Variants in RPIA observed in about 807,000 individuals in gnomAD.
RPIA encodes the protein ribose-5-phosphate isomerase.
A neutral mutation model predicts 37.8 loss-of-function variants in RPIA; 29 were observed. The ratio of observed to expected loss-of-function variants is 0.77; its 90% CI spans 0.57 to 1.05. The LOEUF is 1.05. RPIA is among the 50% of genes least tolerant of loss of function. The pLI, the probability that RPIA is intolerant of heterozygous loss-of-function variation, is 0.00. For missense variants in RPIA, 385 were observed against 413.6 expected, an observed-to-expected ratio of 0.93 and a Z score of 0.60; for synonymous variants, 167 against 157.0, an observed-to-expected ratio of 1.06 and a Z score of -0.48.
chr2:88,691,850 C>G lies in RPIA; in HGVS notation c.152C>G (p.Thr51Ser). Residue 51 changes from threonine to serine, a missense_variant, in exon 1 of 9, where the codon ACC (threonine) becomes AGC (serine). Coordinates refer to ENST00000283646, the MANE Select transcript of RPIA (RefSeq NM_144563.3). ...CTGCCGGGGCGTGCACAGTCTGGGACCCGTGGCGGTGCTGGCAACACAAGC... is the reference window on the plus strand; with the variant it reads ...CTGCCGGGGCGTGCACAGTCTGGGAGCCGTGGCGGTGCTGGCAACACAAGC... ...VRLPGRAQSG[T>S]RGGAGNTSTS... 1 of 1,596,690 alleles carries G rather than the reference C, an allele frequency of 6.3e-7. No homozygotes were observed. Among genetic ancestry groups the G allele is most frequent in the Non-Finnish European group, 8.5e-7 (1 of 1,173,034 alleles).
At chr2:88,697,767 C>A (rs1282597427) in intron 1 of RPIA, among the ~76,000 whole-genome samples, 4 of 152,206 alleles carry the variant, frequency 2.6e-5, no homozygotes, top group African/African-American at 9.7e-5. Flanking sequence ...TCCATTTTCT[C>A]TGAGGCAGGC....
chr2:88,743,559 T>G (rs1673406741), intron 8 of RPIA, among the ~76,000 whole-genome samples: 1 of 148,398 alleles, frequency 6.7e-6, no homozygotes, highest in East Asian at 2.0e-4. Context: ...ATAGAATGAT[T>G]TAGAGAGGAT....
At chr2:88,736,318 C>T (rs762741319) in intron 6 of RPIA, among the ~76,000 whole-genome samples, 5 of 152,202 alleles carry the variant, frequency 3.3e-5, no homozygotes, top group Non-Finnish European at 7.3e-5. Flanking sequence ...ACCCACAAGC[C>T]AGCAATATCA....
At chr2:88,713,596 G>A (rs997420438) in intron 3 of RPIA, among the ~76,000 whole-genome samples, 10 of 152,070 alleles carry the variant, frequency 6.6e-5, no homozygotes, top group African/African-American at 1.4e-4. Context: ...ATCTATTTTC[G>A]TCCAGTGTGC....
Position 88,691,740 on chromosome 2 carries a change from C to A in RPIA, c.42C>A (p.Val14=). 6.3e-7 allele frequency: 1 copy of A among 1,595,442 alleles called. No individual in the cohort carries two copies. Among genetic ancestry groups the A allele is most frequent in the South Asian group, 1.1e-5 (1 of 90,144 alleles). ...PGPFSTLYGR[V]LAPLPGRAGG... Reference sequence around the variant, plus strand: ...CCTTCAGCACCCTCTACGGGCGGGTCTTGGCCCCGCTGCCCGGGAGGGCCG... The same window carrying A: ...CCTTCAGCACCCTCTACGGGCGGGTATTGGCCCCGCTGCCCGGGAGGGCCG... The change falls in exon 1 of 9, where the codon GTC becomes GTA. Residue 14 remains valine (V), a synonymous_variant. Coordinates refer to ENST00000283646, the MANE Select transcript of RPIA (RefSeq NM_144563.3).
At position 88,747,410 on chromosome 2, in the gene RPIA, C is replaced by T. The variant is rs879466460; in HGVS notation, c.839-2571C>T. ...GCCCCTCCCTGCCTGCCTGCACCTT[C>T]GGCTGTGGGTTCTTCATTTGTATCT... On this transcript the variant is annotated intron_variant, in intron 8 of 8. Transcript: ENST00000283646. Among the ~76,000 whole-genome samples the T allele has an allele frequency of 5.9e-5, 9 of 152,194 alleles. No individual in the cohort carries two copies. In the East Asian group the frequency reaches 7.7e-4, roughly 13 times the overall value.
chr2:88,745,413 T>C (rs1409347002), intron 8 of RPIA, among the ~76,000 whole-genome samples: 1 of 152,224 alleles, frequency 6.6e-6, no homozygotes, highest in Non-Finnish European at 1.5e-5. Flanking sequence ...TTTAGGTGTA[T>C]TGTGAGTTTT....
At chr2:88,698,621 C>A in intron 2 of RPIA, 77 bp downstream of exon 2, 1 of 1,381,216 alleles carries the variant, frequency 7.2e-7, no homozygotes, top group Non-Finnish European at 1.0e-6. Context: ...GAGGAAGTGG[C>A]ACACAGGTTT....
chr2:88,736,172 C>T (rs1357115085), intron 6 of RPIA, among the ~76,000 whole-genome samples: 1 of 152,162 alleles, frequency 6.6e-6, no homozygotes, highest in Non-Finnish European at 1.5e-5. Flanking sequence ...TAGTCTTTGA[C>T]CAGGCTCTCA....
At chr2:88,735,419 G>C (rs1181863850) in intron 5 of RPIA, among the ~76,000 whole-genome samples, 1 of 152,158 alleles carries the variant, frequency 6.6e-6, no homozygotes, top group Non-Finnish European at 1.5e-5. Context: ...AGACACATTT[G>C]GATGGAATTA....
chr2:88,726,852 C>T (rs1325667616), intron 3 of RPIA, among the ~76,000 whole-genome samples: 1 of 152,164 alleles, frequency 6.6e-6, no homozygotes, highest in Non-Finnish European at 1.5e-5. Context: ...AGATGATCCT[C>T]CTGCCTCAGC....
At chr2:88,723,524 G>A (rs1276037913) in intron 3 of RPIA, among the ~76,000 whole-genome samples, 1 of 152,030 alleles carries the variant, frequency 6.6e-6, no homozygotes, top group East Asian at 1.9e-4. Context: ...GGGAGATCAG[G>A]GATTCTCTGG....
chr2:88,705,072 A>G (rs1363583015), intron 3 of RPIA, among the ~76,000 whole-genome samples: 2 of 152,214 alleles, frequency 1.3e-5, no homozygotes, highest in Admixed American at 1.3e-4. Context: ...ATGAGAGGAC[A>G]CAAATGGGAA....
rs1302683566 is a variant in RPIA at position 88,707,028 on chromosome 2, C to T, written c.402+6964C>T. On this transcript the variant is annotated intron_variant, in intron 3 of 8. Coordinates refer to ENST00000283646, the MANE Select transcript of RPIA (RefSeq NM_144563.3). ...TCATATGTTTGTGCATAAATGTATA[C>T]CTTGTGTTTCTGCATCCAAAATGGA... Among the ~76,000 whole-genome samples, 11 of 152,118 alleles carry T rather than the reference C, an allele frequency of 7.2e-5. No homozygotes were observed. The East Asian group carries it at 2.1e-3, about 29-fold the overall frequency.
Position 88,740,849 on chromosome 2 carries a change from C to T in RPIA, c.838+2773C>T, listed in dbSNP as rs368646555. Among the ~76,000 whole-genome samples the T allele has an allele frequency of 2.6e-4, 39 of 152,300 alleles. No individual in the cohort carries two copies. The South Asian group carries it at 7.0e-3, about 28-fold the overall frequency. The stretch of plus-strand genomic sequence containing the variant: ...TAACTGTTTTTTGGATCAGTGGATG[C>T]TTTCTCCTTATATTGCAGACATTTT... On this transcript the variant is annotated intron_variant, in intron 8 of 8. Transcript: ENST00000283646.
At chr2:88,692,753 T>C (rs370105852) in intron 1 of RPIA, among the ~76,000 whole-genome samples, 14 of 152,334 alleles carry the variant, frequency 9.2e-5, no homozygotes, top group African/African-American at 2.2e-4. Context: ...CTTGGTCTTA[T>C]TGGCTTTTTA....
intron 3 of RPIA, among the ~76,000 whole-genome samples, chr2:88,713,120 A>ATATATATATATATAT (rs1041923467): frequency 3.1e-5 from 2 of 65,274 alleles, no homozygotes; most frequent in Non-Finnish European, 5.0e-5. Flanking sequence ...ATATATATAT[A>ATATATATATATATAT]TTTTTTTTTT....
At chr2:88,711,229 A>G (rs1450262984) in intron 3 of RPIA, among the ~76,000 whole-genome samples, 1 of 152,254 alleles carries the variant, frequency 6.6e-6, no homozygotes, top group Non-Finnish European at 1.5e-5. Flanking sequence ...AGTTTTGAAA[A>G]GAAAAACACT....
At chr2:88,749,916 GTCTT>G in intron 8 of RPIA, 61 bp from the exon 9 acceptor site, 1 of 1,153,390 alleles carries the variant, frequency 8.7e-7, no homozygotes. Context: ...TGACCCTGCA[GTCTT>G]TGAGTCTCTT....
Sources: allele counts gnomAD v4.1 joint callset (sites outside exome capture counted in the v4.1 genomes callset), GRCh38; gene constraint gnomAD v4.1.1; transcripts MANE v1.5; gene names NCBI Gene and HGNC (gene_info 2026-07-23, HGNC 2026-07-21).